The following ARID1A variants were observed in gnomAD, a reference collection of about 807,000 sequenced individuals.
ARID1A encodes the protein AT-rich interaction domain 1A.
Under a neutral mutation model 212.6 loss-of-function variants are expected in ARID1A, and 20 were observed. The ratio of observed to expected loss-of-function variants is 0.09; its 90% CI spans 0.07 to 0.14. The LOEUF (loss-of-function observed/expected upper bound fraction) is 0.14. Ranked by LOEUF, ARID1A falls within the 10% of genes least tolerant of loss-of-function variation. The probability of loss-of-function intolerance (pLI) is 1.00; values close to 1 mark genes in which losing one functional copy is unlikely to be tolerated. For synonymous variants in ARID1A, 1,376 were observed against 1,222.1 expected (o/e 1.13, Z -2.63); for missense variants, 2,587 against 3,059.0 (o/e 0.85, Z 3.64).
At chr1:26,772,366 C>A in intron 12 of ARID1A, 134 bp from the exon 13 acceptor site, 7 of 1,319,526 alleles carry the variant, frequency 5.3e-6, no homozygotes, top group Non-Finnish European at 6.3e-6. Flanking sequence ...AGATCCTCTG[C>A]TAAGAAGGGT....
chr1:26,761,499 G>A (rs930389868), intron 6 of ARID1A, 26 bp downstream of exon 6: 2 of 1,612,104 alleles, frequency 1.2e-6, no homozygotes, highest in South Asian at 1.1e-5. Flanking sequence ...TTGGGGAGGG[G>A]CAGGGAGCTA....
intron 1 of ARID1A, among the ~76,000 whole-genome samples, chr1:26,711,782 G>T (rs2080456990): frequency 6.6e-6 from 1 of 152,088 alleles, no homozygotes; most frequent in African/African-American, 2.4e-5. Context: ...GGTGGGAAAG[G>T]TATTTTAAGA....
At chr1:26,702,563 A>G (rs1347848712) in intron 1 of ARID1A, among the ~76,000 whole-genome samples, 1 of 152,204 alleles carries the variant, frequency 6.6e-6, no homozygotes, top group Non-Finnish European at 1.5e-5. Context: ...AGGTTTCTGT[A>G]GTAAGATGTA....
chr1:26,716,964 A>C (rs1476359990), intron 1 of ARID1A, among the ~76,000 whole-genome samples: 1 of 152,120 alleles, frequency 6.6e-6, no homozygotes, highest in Non-Finnish European at 1.5e-5. Flanking sequence ...ATTGCAGGAC[A>C]TTGGCATCTT....
intron 19 of ARID1A, among the ~76,000 whole-genome samples, chr1:26,777,031 G>A (rs564325060): frequency 6.6e-6 from 1 of 152,278 alleles, no homozygotes; most frequent in South Asian, 2.1e-4. Flanking sequence ...ACCCTGTAAA[G>A]TTTAGGAATT....
intron 4 of ARID1A, among the ~76,000 whole-genome samples, chr1:26,734,513 A>G (rs116664494): frequency 2.2e-3 from 340 of 152,294 alleles, no homozygotes; most frequent in Admixed American, 6.0e-3. Context: ...GGCTATCACA[A>G]GGAACATTCC....
chr1:26,720,531 G>C (rs1292937353), intron 1 of ARID1A, among the ~76,000 whole-genome samples: 2 of 151,920 alleles, frequency 1.3e-5, no homozygotes. Flanking sequence ...TAACCTTTGG[G>C]CATGTAGCCC....
In ARID1A at chr1:26,696,781, C is replaced by T. The variant is rs2124741603; in HGVS notation, c.378C>T (p.Gly126=). Residue 126 remains glycine (G), a synonymous_variant, in exon 1 of 20, where the codon GGC becomes GGT. Transcript: ENST00000324856. ...CGGAGCCGCCCGGCGGCGGCGGTGG[C>T]GGCAGCAGCGATGGGGTGGGGGCGC... is the stretch of plus-strand genomic sequence containing the variant. ...NLTEPPGGGG[G]GSSDGVGAPP... is the part of the protein sequence containing the mutation. 1 of 1,340,420 alleles carries T rather than the reference C, an allele frequency of 7.5e-7. No homozygotes were observed. Among genetic ancestry groups the T allele is most frequent in the South Asian group, 2.1e-5 (1 of 48,300 alleles). The allele number at this position is 1,340,420 out of a possible 1,614,324, so 83.0% of individuals were successfully genotyped here. A position where few individuals can be genotyped will look rare whatever the true frequency, so the allele number is the denominator to read the frequency against.
At position 26,779,312 on chromosome 1, in the gene ARID1A, T is replaced by C; in HGVS notation, c.5414T>C (p.Leu1805Pro). 1 of 1,614,264 alleles carries C rather than the reference T, an allele frequency of 6.2e-7. No individual in the cohort carries two copies. Among genetic ancestry groups the C allele is most frequent in the South Asian group, 1.1e-5 (1 of 91,090 alleles). ...GCTTCAGAGAATAGTGAGGAGAAGC[T>C]GATCAGTAAGTTTGACAAGCTTCCA... Reference protein sequence around the residue: ...KPASENSEEKLISKFDKLPVK... With the variant: ...KPASENSEEKPISKFDKLPVK... The change falls in exon 20 of 20, where the codon CTG becomes CCG. Residue 1805 changes from leucine to proline, a missense_variant. Physicochemically the swap from Leu to Pro is moderately conservative, Grantham distance 98. Coordinates refer to ENST00000324856, the MANE Select transcript of ARID1A (RefSeq NM_006015.6).
At chr1:26,704,262 G>A (rs1557575714) in intron 1 of ARID1A, among the ~76,000 whole-genome samples, 1 of 152,132 alleles carries the variant, frequency 6.6e-6, no homozygotes, top group Non-Finnish European at 1.5e-5. Context: ...TAGTTCAGGG[G>A]CACTTTTCTA....
chr1:26,728,147 C>A (rs1406241857), intron 1 of ARID1A, among the ~76,000 whole-genome samples: 1 of 152,182 alleles, frequency 6.6e-6, no homozygotes, highest in Non-Finnish European at 1.5e-5. Context: ...CACAGTTTTA[C>A]TATGACTTTG....
intron 11 of ARID1A, chr1:26,770,150 T>C (rs539747464): frequency 1.3e-5 from 2 of 152,028 alleles, no homozygotes; most frequent in African/African-American, 4.8e-5. Flanking sequence ...GAGGCGGAGG[T>C]TGCAGTGAGC....
intron 4 of ARID1A, among the ~76,000 whole-genome samples, chr1:26,750,928 A>C (rs2080878535): frequency 1.3e-5 from 2 of 152,086 alleles, no homozygotes; most frequent in Non-Finnish European, 1.5e-5. Flanking sequence ...GGCTGATTTG[A>C]AATAAAGGCT....
intron 4 of ARID1A, among the ~76,000 whole-genome samples, chr1:26,752,592 T>A (rs903571476): frequency 6.6e-6 from 1 of 152,240 alleles, no homozygotes; most frequent in Admixed American, 6.5e-5. Context: ...TTTTTCTTCC[T>A]TAGAGTTTAA....
rs2080261105 is a variant in ARID1A at position 26,696,791 on chromosome 1, G to A, written c.388G>A (p.Asp130Asn). Residue 130 changes from aspartate to asparagine, a missense_variant, in exon 1 of 20, where the codon GAT becomes AAT. Coordinates refer to ENST00000324856, the MANE Select transcript of ARID1A (RefSeq NM_006015.6). ...PPGGGGGGSS[D>N]GVGAPPHSAA... ...CGGCGGCGGCGGTGGCGGCAGCAGC[G>A]ATGGGGTGGGGGCGCCTCCTCACTC... 2.2e-6 allele frequency: 3 copies of A among 1,338,572 alleles called. No individual in the cohort carries two copies. The highest frequency in any genetic ancestry group is 1.9e-6 in the Non-Finnish European group (2 of 1,049,992). The allele number at this position is 1,338,572 out of a possible 1,614,324, so 82.9% of individuals were successfully genotyped here.
At position 26,696,116 on chromosome 1, in the gene ARID1A, G is replaced by C; in HGVS notation, c.-288G>C. ...TCATTCCCAGGCAAGGGCTTGGGGG[G>C]AATGAGCCGGGAGAGCCGGGTCCCG... is the stretch of plus-strand genomic sequence containing the variant. On this transcript the variant is annotated 5_prime_UTR_variant, in exon 1 of 20. Coordinates refer to ENST00000324856, the MANE Select transcript of ARID1A (RefSeq NM_006015.6). 1 of 472,054 alleles carries C rather than the reference G, an allele frequency of 2.1e-6. No homozygotes were observed. The highest frequency in any genetic ancestry group is 3.0e-6 in the Non-Finnish European group (1 of 334,680). 29.2% of individuals were successfully genotyped at this position (472,054 alleles called of 1,614,324 possible).
chr1:26,772,771 T>C (rs768572891), intron 13 of ARID1A, 41 bp from the exon 14 acceptor site: 2 of 1,607,450 alleles, frequency 1.2e-6, no homozygotes, highest in Non-Finnish European at 1.7e-6. Flanking sequence ...ATTGGAGGAA[T>C]TGGTTTATTT....
At chr1:26,766,105 A>G in intron 8 of ARID1A, 116 bp from the exon 9 acceptor site, 2 of 1,217,894 alleles carry the variant, frequency 1.6e-6, no homozygotes, top group South Asian at 1.6e-5. Context: ...GGGGACCCAT[A>G]AATGTTTTCC....
At position 26,696,551 on chromosome 1, in the gene ARID1A, A is replaced by G. The variant is rs1216784088; in HGVS notation, c.148A>G (p.Met50Val). 1.7e-5 allele frequency: 21 copies of G among 1,223,990 alleles called. No homozygotes were observed. In the East Asian group the frequency reaches 5.6e-4, roughly 33 times the overall value. The allele number at this position is 1,223,990 out of a possible 1,614,324, so 75.8% of individuals were successfully genotyped here. Residue 50 changes from methionine (M) to valine (V), a missense_variant, in exon 1 of 20, where the codon ATG becomes GTG. This residue lies in a region of ARID1A where 735 missense variants were observed against 590.6 expected (regional missense o/e 1.24). Coordinates refer to ENST00000324856, the MANE Select transcript of ARID1A (RefSeq NM_006015.6). ...AAAAAAERGE[M>V]KAAAGQESEG... ...GGCGGCAGCGGCCGAGCGCGGGGAA[A>G]TGAAGGCAGCCGCCGGGCAGGAAAG...
Sources: gnomAD v4.1 joint callset for allele counts (sites outside exome capture counted in the v4.1 genomes callset) on GRCh38, gnomAD v4.1.1 for gene constraint, gnomAD v4.1.1 regional missense constraint, MANE v1.5 for transcripts, NCBI Gene and HGNC (gene_info 2026-07-23, HGNC 2026-07-21) for gene names.